The following ZEB1 variants were observed in gnomAD, a reference collection of about 807,000 sequenced individuals.
The protein encoded by ZEB1 is zinc finger E-box-binding homeobox 1.
Under a neutral mutation model 84.9 loss-of-function variants are expected in ZEB1, and 21 were observed. The observed-to-expected ratio is 0.25, with a 90% confidence interval of 0.18 to 0.36. The LOEUF (loss-of-function observed/expected upper bound fraction) is 0.36. Among genes scored for constraint, ZEB1 ranks in the 10% least tolerant of loss-of-function variants. The pLI is 1.00. For missense variants in ZEB1, 1,104 were observed against 1,330.2 expected (o/e 0.83, Z 2.65); for synonymous variants, 420 against 471.1 (o/e 0.89, Z 1.41).
chr10:31,511,540 T>A (rs2070023107), intron 5 of ZEB1, among the ~76,000 whole-genome samples: 1 of 152,204 alleles, frequency 6.6e-6, no homozygotes, highest in Non-Finnish European at 1.5e-5. Context: ...AAAAAGCTTT[T>A]ATCAGTTGTT....
At chr10:31,425,556 T>C (rs1258175640) in intron 1 of ZEB1, among the ~76,000 whole-genome samples, 1 of 152,082 alleles carries the variant, frequency 6.6e-6, no homozygotes, top group Non-Finnish European at 1.5e-5. Context: ...AGAAATTCTT[T>C]ATAAAAAAAT....
chr10:31,458,335 G>T (rs1028183662), intron 1 of ZEB1, among the ~76,000 whole-genome samples: 86 of 96,266 alleles, frequency 8.9e-4, no homozygotes, highest in African/African-American at 2.7e-3. Context: ...GTGTGTGTGT[G>T]TTGTGTGTGT....
At chr10:31,464,346 C>CT (rs1468329276) in intron 2 of ZEB1, among the ~76,000 whole-genome samples, 1 of 151,610 alleles carries the variant, frequency 6.6e-6, no homozygotes, top group South Asian at 2.1e-4. Context: ...GAGTAAGACT[C>CT]TATCTCAGAA....
At chr10:31,499,657 C>T (rs1204239943) in intron 3 of ZEB1, among the ~76,000 whole-genome samples, 7 of 151,850 alleles carry the variant, frequency 4.6e-5, no homozygotes, top group African/African-American at 1.5e-4. Context: ...CCCAGCTACT[C>T]GGGAGGCTGA....
chr10:31,384,130 C>G (rs1380325984), intron 1 of ZEB1, among the ~76,000 whole-genome samples: 7 of 151,906 alleles, frequency 4.6e-5, no homozygotes, highest in Non-Finnish European at 7.4e-5. Flanking sequence ...CATGTTCCAC[C>G]ACTCCTGACT....
At chr10:31,437,581 G>A in intron 1 of ZEB1, among the ~76,000 whole-genome samples, 1 of 152,058 alleles carries the variant, frequency 6.6e-6, no homozygotes. Context: ...CTAGGCTCAG[G>A]GAATTAGTGT....
rs375033794 is a variant in ZEB1 at position 31,436,121 on chromosome 10, G to A, written c.59-24916G>A. Among the ~76,000 whole-genome samples the A allele has an allele frequency of 2.6e-4, 39 of 152,252 alleles. 1 individual carries two copies. The highest frequency in any genetic ancestry group is 8.2e-4 in the African/African-American group (34 of 41,542). On this transcript the variant is annotated intron_variant, in intron 1 of 8. Transcript: ENST00000424869. ...TGTTTAAGCGATAATGTATGCAGTC[G>A]GGAGACCCTTATTCGCCATGTATGG... is the stretch of plus-strand genomic sequence containing the variant.
chr10:31,323,387 T>C (rs1278697668), intron 1 of ZEB1, among the ~76,000 whole-genome samples: 6 of 152,074 alleles, frequency 3.9e-5, no homozygotes, highest in Non-Finnish European at 5.9e-5. Context: ...TATTTTTATA[T>C]AACTTATGTA....
intron 7 of ZEB1, 146 bp downstream of exon 7, chr10:31,522,082 CT>C: frequency 1.5e-6 from 2 of 1,294,916 alleles, no homozygotes; most frequent in Non-Finnish European, 2.1e-6. Flanking sequence ...TTTGCTTTAA[CT>C]TTTCTGGCAT....
chr10:31,464,687 G>A (rs573391477), intron 2 of ZEB1, among the ~76,000 whole-genome samples: 1 of 152,296 alleles, frequency 6.6e-6, no homozygotes, highest in East Asian at 1.9e-4. Flanking sequence ...GCAGATTTCT[G>A]TGCAGAAACC....
At chr10:31,523,830 T>G in intron 7 of ZEB1, 103 bp from the exon 8 acceptor site, 1 of 1,356,306 alleles carries the variant, frequency 7.4e-7, no homozygotes, top group Non-Finnish European at 1.0e-6. Flanking sequence ...CTTGAAAGTA[T>G]AAAAGTATAA....
At position 31,527,286 on chromosome 10, in the gene ZEB1, AAATT is replaced by A; in HGVS notation, c.*23_*26del. The A allele has an allele frequency of 1.0e-5, 16 of 1,583,378 alleles. 1 individual carries two copies. Among genetic ancestry groups the A allele is most frequent in the Non-Finnish European group, 1.4e-5 (16 of 1,168,136 alleles). On this transcript the variant is annotated 3_prime_UTR_variant, in exon 9 of 9. Coordinates refer to ENST00000424869, the MANE Select transcript of ZEB1 (RefSeq NM_001174096.2). Reference sequence around the variant, plus strand: ...CTAATCGTTTTTCTAGAAGGAAAATAAATTCTAATTGATAATGAATTTCGTTCAA... The same window carrying A: ...CTAATCGTTTTTCTAGAAGGAAAATACTAATTGATAATGAATTTCGTTCAA...
At chr10:31,470,572 C>T (rs1329993477) in intron 2 of ZEB1, among the ~76,000 whole-genome samples, 1 of 138,798 alleles carries the variant, frequency 7.2e-6, no homozygotes, top group Non-Finnish European at 1.6e-5. Context: ...GTGAAAAGAC[C>T]AAATCTACAT....
intron 2 of ZEB1, among the ~76,000 whole-genome samples, chr10:31,471,576 C>T (rs1166560814): frequency 1.5e-4 from 22 of 142,094 alleles, no homozygotes; most frequent in African/African-American, 5.9e-4. Context: ...CCTGAGTGAC[C>T]TACAAAGAGA....
rs1205844071 is a variant in ZEB1, at chr10:31,411,656, AGC to A, written c.59-49380_59-49379del. Among the ~76,000 whole-genome samples the A allele has an allele frequency of 1.9e-3, 285 of 148,724 alleles. 1 individual carries two copies. The highest frequency in any genetic ancestry group is 6.3e-3 in the African/African-American group (256 of 40,362). The stretch of plus-strand genomic sequence containing the variant: ...TCCGTCTCAAAAAAAAAAAAAAAAA[AGC>A]AGCATTAGGAGAGAAATTTATAGCA... On this transcript the variant is annotated intron_variant, in intron 1 of 8. Transcript: ENST00000424869.
chr10:31,365,960 C>T (rs371885070), intron 1 of ZEB1, among the ~76,000 whole-genome samples: 1 of 152,252 alleles, frequency 6.6e-6, no homozygotes, highest in Non-Finnish European at 1.5e-5. Flanking sequence ...TTTGCCTCTT[C>T]TTTCTTCCTC....
At chr10:31,356,312 A>G (rs1465414832) in intron 1 of ZEB1, among the ~76,000 whole-genome samples, 1 of 151,766 alleles carries the variant, frequency 6.6e-6, no homozygotes, top group Non-Finnish European at 1.5e-5. Context: ...TTCCTGATTT[A>G]TACATAAAAC....
At chr10:31,442,341 A>T (rs1425154649) in intron 1 of ZEB1, among the ~76,000 whole-genome samples, 3 of 151,902 alleles carry the variant, frequency 2.0e-5, no homozygotes, top group Non-Finnish European at 4.4e-5. Context: ...TCTCACTCTT[A>T]GGTGGGAATT....
chr10:31,432,036 A>G (rs1446543380), intron 1 of ZEB1, among the ~76,000 whole-genome samples: 1 of 152,226 alleles, frequency 6.6e-6, no homozygotes, highest in African/African-American at 2.4e-5. Flanking sequence ...ACTGCCCTCA[A>G]AAAGCATATG....
Sources: allele counts gnomAD v4.1 joint callset (sites outside exome capture counted in the v4.1 genomes callset), GRCh38; gene constraint gnomAD v4.1.1; transcripts MANE v1.5; gene names NCBI Gene and HGNC (gene_info 2026-07-23, HGNC 2026-07-21).